Variants in STARD13 observed in about 807,000 individuals in gnomAD.
STARD13 encodes stAR-related lipid transfer protein 13.
A neutral mutation model predicts 106.4 loss-of-function variants in STARD13; 62 were observed. The observed-to-expected ratio is 0.58, with a 90% CI of 0.48 to 0.72. The LOEUF is 0.72. STARD13 is among the 30% of genes least tolerant of loss of function. The pLI, the probability that STARD13 is intolerant of heterozygous loss-of-function variation, is 0.00. For synonymous variants in STARD13, 565 were observed against 553.0 expected (o/e 1.02, Z -0.31); for missense variants, 1,387 against 1,424.0 (o/e 0.97, Z 0.42).
chr13:33,286,114 G>A (rs553646387), upstream of STARD13, among the ~76,000 whole-genome samples: 19 of 152,220 alleles, frequency 1.2e-4, no homozygotes, highest in South Asian at 3.5e-3. Flanking sequence ...CAGGGCAGCA[G>A]CAGCCAGGTA....
chr13:33,428,446 A>T, the STARD13 span, among the ~76,000 whole-genome samples: 2 of 152,214 alleles, frequency 1.3e-5, no homozygotes, highest in African/African-American at 4.8e-5. Context: ...TATTAAAAAT[A>T]TAAAAGGAAC....
rs565788614 is a variant in STARD13 at position 33,110,013 on chromosome 13, G to A, written c.2907C>T (p.Arg969=). 18 of 1,614,216 alleles carry A rather than the reference G, an allele frequency of 1.1e-5. No individual in the cohort carries two copies. The highest frequency in any genetic ancestry group is 5.0e-5 in the Admixed American group (3 of 60,026). Residue 969 remains arginine, a synonymous_variant, in exon 12 of 14, where the codon CGC becomes CGT. Transcript: ENST00000336934. ...CCCACAGGTGGCGCTCTCTCAGCAC[G>A]CGGTTCAGGACCACTGAGGGGGGTG... The part of the protein sequence containing the change: ...VEAPPSVVLN[R]VLRERHLWDE...
At position 33,332,671 on chromosome 13, in the gene STARD13, C is replaced by T. The variant is rs572635315; in HGVS notation, c.124+17619G>A. Among the ~76,000 whole-genome samples, 47 of 152,318 alleles carry T rather than the reference C, an allele frequency of 3.1e-4. 1 individual carries two copies. The highest frequency in any genetic ancestry group is 1.1e-3 in the African/African-American group (44 of 41,584). On this transcript the variant is annotated intron_variant, in intron 1 of 5. Transcript: ENST00000567873. ...GATATTCTGTCAGAGCAGCCCACAC[C>T]ACCTGAGACACCTTTTCTGTTCATT...
At chr13:33,373,489 A>G in the STARD13 span, among the ~76,000 whole-genome samples, 5 of 152,260 alleles carry the variant, frequency 3.3e-5, no homozygotes, top group South Asian at 8.3e-4. Flanking sequence ...AACAGTTCCT[A>G]TAAGAAAGGA....
the STARD13 span, among the ~76,000 whole-genome samples, chr13:33,566,351 T>C: frequency 6.8e-6 from 1 of 148,076 alleles, no homozygotes; most frequent in Non-Finnish European, 1.5e-5. Flanking sequence ...CTATCTGCGG[T>C]TTCAGGCATC....
downstream of STARD13, among the ~76,000 whole-genome samples, chr13:33,347,247 T>G (rs2078027127): frequency 6.6e-6 from 1 of 152,138 alleles, no homozygotes; most frequent in Non-Finnish European, 1.5e-5. Context: ...TTTCTATTTC[T>G]TTTTTTGAGA....
the STARD13 span, among the ~76,000 whole-genome samples, chr13:33,615,159 A>G: frequency 6.6e-6 from 1 of 152,210 alleles, no homozygotes; most frequent in South Asian, 2.1e-4. Context: ...TCAGGGAACA[A>G]AAGCAATCCG....
At chr13:33,629,143 C>T in the STARD13 span, among the ~76,000 whole-genome samples, 1 of 152,306 alleles carries the variant, frequency 6.6e-6, no homozygotes, top group Middle Eastern at 3.4e-3. Flanking sequence ...TTCAACTCCT[C>T]CTCTACATGA....
the STARD13 span, among the ~76,000 whole-genome samples, chr13:33,551,681 C>G: frequency 7.2e-6 from 1 of 139,720 alleles, no homozygotes; most frequent in African/African-American, 2.7e-5. Flanking sequence ...TCCAAGCAAC[C>G]TCCACCTCCT....
intron 1 of STARD13, among the ~76,000 whole-genome samples, chr13:33,207,362 G>T (rs1191388850): frequency 1.3e-5 from 2 of 152,148 alleles, no homozygotes; most frequent in African/African-American, 4.8e-5. Flanking sequence ...CTCCTTAAAG[G>T]CAAGAAAAAC....
the STARD13 span, among the ~76,000 whole-genome samples, chr13:33,628,425 G>A: frequency 6.6e-6 from 1 of 152,168 alleles, no homozygotes; most frequent in Non-Finnish European, 1.5e-5. Context: ...ATGTGTACGA[G>A]TCAGAATGGG....
rs370965222 is a variant in STARD13 at position 33,204,968 on chromosome 13, C to T, written c.170-37346G>A. On this transcript the variant is annotated intron_variant, in intron 1 of 13. Transcript: ENST00000336934. ...CCTGTGTAAATTGTAAAAGAATTGA[C>T]TTTTTCCAATAAAGGACCTCCTGTG... is the stretch of plus-strand genomic sequence containing the variant. Among the ~76,000 whole-genome samples the T allele has an allele frequency of 1.3e-4, 20 of 152,326 alleles. No homozygotes were observed. In the South Asian group the frequency reaches 3.9e-3, roughly 30 times the overall value.
At chr13:33,165,182 C>T (rs182780905) in intron 3 of STARD13, among the ~76,000 whole-genome samples, 155 bp downstream of exon 3, 40 of 152,298 alleles carry the variant, frequency 2.6e-4, no homozygotes, top group Admixed American at 2.6e-3. Context: ...TGATCATGCT[C>T]ATTAACAGTA....
chr13:33,285,761 G>GA (rs1892030746), upstream of STARD13: 1 of 1,483,232 alleles, frequency 6.7e-7, no homozygotes, highest in Non-Finnish European at 8.9e-7. Context: ...TTTTTAAAAA[G>GA]AAAGAGGAGT....
chr13:33,240,392 T>C (rs1188199861), intron 1 of STARD13, among the ~76,000 whole-genome samples: 2 of 152,176 alleles, frequency 1.3e-5, no homozygotes, highest in Admixed American at 1.3e-4. Flanking sequence ...ACATCCATTT[T>C]AGAATTTTTT....
intron 1 of STARD13, among the ~76,000 whole-genome samples, chr13:33,310,769 C>T (rs1594248020): frequency 6.6e-6 from 1 of 152,050 alleles, no homozygotes; most frequent in African/African-American, 2.4e-5. Context: ...GGGACATGTT[C>T]TGAGAAATGT....
chr13:33,117,473 C>T (rs1875565603), intron 8 of STARD13: 1 of 379,602 alleles, frequency 2.6e-6, no homozygotes, highest in Non-Finnish European at 3.6e-6. Flanking sequence ...TCTTAATCAA[C>T]AATTGTTATT....
At chr13:33,165,244 T>C in intron 3 of STARD13, 93 bp downstream of exon 3, 1 of 938,344 alleles carries the variant, frequency 1.1e-6, no homozygotes, top group Non-Finnish European at 1.8e-6. Context: ...ACTCAGTGAA[T>C]ACTTGCCGAA....
intron 1 of STARD13, among the ~76,000 whole-genome samples, chr13:33,221,725 A>G (rs1888366637): frequency 1.3e-5 from 2 of 152,252 alleles, no homozygotes; most frequent in African/African-American, 4.8e-5. Flanking sequence ...TCAAAGAGAT[A>G]TTTGTACATT....
Sources: gnomAD v4.1 joint callset for allele counts (sites outside exome capture counted in the v4.1 genomes callset) on GRCh38, gnomAD v4.1.1 for gene constraint, MANE v1.5 for transcripts, NCBI Gene and HGNC (gene_info 2026-07-23, HGNC 2026-07-21) for gene names.